Variants in SPATA9 observed in about 807,000 individuals in gnomAD.
The protein encoded by SPATA9 is spermatogenesis-associated protein 9.
Under a neutral mutation model 25.5 loss-of-function variants are expected in SPATA9, and 27 were observed. The ratio of observed to expected loss-of-function variants is 1.06; its 90% CI spans 0.78 to 1.46. SPATA9 has a LOEUF of 1.46. SPATA9 is among the 40% of genes most tolerant of loss of function. The probability of loss-of-function intolerance (pLI) is 0.00; values close to 1 mark genes in which losing one functional copy is unlikely to be tolerated. For synonymous variants in SPATA9, 102 were observed against 105.7 expected (o/e 0.97, Z 0.21); for missense variants, 282 against 297.5 (o/e 0.95, Z 0.38).
At chr5:95,661,961 T>C (rs1271798491) in intron 4 of SPATA9, among the ~76,000 whole-genome samples, 1 of 151,984 alleles carries the variant, frequency 6.6e-6, no homozygotes, top group East Asian at 1.9e-4. Context: ...TTAAAGAATA[T>C]CAAAATAAGT....
rs553004774 is a variant in SPATA9 at position 95,694,524 on chromosome 5, C to T, written n.124+4064G>A. Among the ~76,000 whole-genome samples, 15 of 152,298 alleles carry T rather than the reference C, an allele frequency of 9.8e-5. No individual in the cohort carries two copies. In the South Asian group the frequency reaches 3.1e-3, roughly 32 times the overall value. On this transcript the variant is annotated intron_variant and non_coding_transcript_variant, in intron 1 of 2. Transcript: ENST00000379990. ...TAAAAATGCTAAAGGATGCATCCCA[C>T]CCTTTCTTTTAAACCCAACATTGCC...
the SPATA9 span, among the ~76,000 whole-genome samples, chr5:95,707,231 A>G: frequency 6.6e-6 from 1 of 152,238 alleles, no homozygotes; most frequent in African/African-American, 2.4e-5. Context: ...ATTAGGAACA[A>G]GGAAATCTTG....
chr5:95,693,470 G>A (rs1482807295), intron 1 of SPATA9, among the ~76,000 whole-genome samples: 3 of 152,010 alleles, frequency 2.0e-5, no homozygotes, highest in Non-Finnish European at 4.4e-5. Flanking sequence ...AAAAAGCAAG[G>A]TACAGAAAAA....
chr5:95,678,700 G>A (rs1016449668), intron 2 of SPATA9, among the ~76,000 whole-genome samples: 1 of 152,092 alleles, frequency 6.6e-6, no homozygotes, highest in Non-Finnish European at 1.5e-5. Context: ...TCCTTTCACT[G>A]TTTGGGAAGT....
the SPATA9 span, chr5:95,708,595 C>T: frequency 3.4e-5 from 24 of 696,306 alleles, no homozygotes; most frequent in African/African-American, 3.7e-4. Flanking sequence ...ATTCCCAGGA[C>T]AGAGGTAAAA....
chr5:95,731,983 T>C, the SPATA9 span: 2 of 1,614,156 alleles, frequency 1.2e-6, no homozygotes, highest in East Asian at 2.2e-5. Flanking sequence ...GAGCAGCTTG[T>C]TGCTGAACGC....
the SPATA9 span, chr5:95,731,238 G>C: frequency 9.9e-7 from 1 of 1,005,838 alleles, no homozygotes; most frequent in Non-Finnish European, 1.2e-6. Context: ...CGACCCCCGG[G>C]GCTGGCACGT....
intron 3 of SPATA9, among the ~76,000 whole-genome samples, chr5:95,669,240 G>A (rs969882861): frequency 7.9e-5 from 12 of 152,168 alleles, no homozygotes; most frequent in African/African-American, 2.9e-4. Flanking sequence ...ACGTGGAGGA[G>A]TACTGTATGT....
chr5:95,652,202 T>G, downstream of SPATA9: 1 of 1,487,924 alleles, frequency 6.7e-7, no homozygotes, highest in Non-Finnish European at 9.0e-7. Context: ...TGAATTTCAT[T>G]TGATTAGCAA....
intron 1 of SPATA9, among the ~76,000 whole-genome samples, chr5:95,688,187 A>G (rs1753795765): frequency 6.6e-6 from 1 of 152,216 alleles, no homozygotes; most frequent in Admixed American, 6.5e-5. Flanking sequence ...GTAATTGAAT[A>G]AAGAAAATAT....
the SPATA9 span, among the ~76,000 whole-genome samples, chr5:95,725,165 G>A: frequency 6.6e-6 from 1 of 152,148 alleles, no homozygotes; most frequent in Admixed American, 6.5e-5. Flanking sequence ...TATCTACAAT[G>A]GGATGGATAA....
At chr5:95,707,435 C>T in the SPATA9 span, among the ~76,000 whole-genome samples, 34,578 of 151,814 alleles carry the variant, frequency 0.23, 4,195 homozygotes, top group East Asian at 0.5. Context: ...AAAATTCTCT[C>T]GGCCCCGAGG....
chr5:95,690,375 A>G (rs536257897), intron 1 of SPATA9, among the ~76,000 whole-genome samples: 1 of 152,320 alleles, frequency 6.6e-6, no homozygotes, highest in East Asian at 1.9e-4. Flanking sequence ...ACCATTTGTT[A>G]GTACAATGAA....
rs567984750 is a variant in SPATA9 at position 95,678,568 on chromosome 5, G to A, written c.151-2929C>T. Among the ~76,000 whole-genome samples the A allele has an allele frequency of 5.9e-5, 9 of 152,044 alleles. No individual in the cohort carries two copies. In the South Asian group the frequency reaches 8.3e-4, roughly 14 times the overall value. ...TCTAGGCCAGCAAGATGGCCTTTTCGTAAATAAATACATGCCTGGGTGGCG... is the reference window on the plus strand; with the variant it reads ...TCTAGGCCAGCAAGATGGCCTTTTCATAAATAAATACATGCCTGGGTGGCG... On this transcript the variant is annotated intron_variant, in intron 2 of 4. Transcript: ENST00000274432.
At chr5:95,673,345 G>T (rs965187896) in intron 3 of SPATA9, among the ~76,000 whole-genome samples, 1 of 151,502 alleles carries the variant, frequency 6.6e-6, no homozygotes, top group Non-Finnish European at 1.5e-5. Flanking sequence ...TAAACCATGT[G>T]TTCGTGACCC....
At chr5:95,669,002 T>C (rs1270660418) in intron 3 of SPATA9, among the ~76,000 whole-genome samples, 2 of 152,160 alleles carry the variant, frequency 1.3e-5, no homozygotes, top group Admixed American at 6.5e-5. Context: ...CTGCTACTTA[T>C]AGAGAGGTCC....
chr5:95,731,470 C>T, the SPATA9 span: 3 of 1,221,564 alleles, frequency 2.5e-6, no homozygotes, highest in African/African-American at 1.6e-5. Flanking sequence ...GGCAGCTTAT[C>T]CCCCGCCCGC....
In SPATA9 at chr5:95,673,376, T is replaced by TTG. The variant is rs10557096; in HGVS notation, c.378+2034_378+2035dup. Among the ~76,000 whole-genome samples, 1,461 of 150,444 alleles carry TTG rather than the reference T, an allele frequency of 9.7e-3. 20 individuals carry two copies. Among genetic ancestry groups the TTG allele is most frequent in the African/African-American group, 0.03 (1,247 of 41,070 alleles). ...GACCCAAGGCTCGTTGTGTGTGTGT[T>TTG]TGTGTGTGTGTGTGTGTGTGCATGT... On this transcript the variant is annotated intron_variant, in intron 3 of 4. Coordinates refer to ENST00000274432, the MANE Select transcript of SPATA9 (RefSeq NM_031952.4).
the SPATA9 span, chr5:95,708,833 G>A: frequency 1.3e-5 from 7 of 551,956 alleles, no homozygotes; most frequent in African/African-American, 1.9e-5. Flanking sequence ...ACGAATACAC[G>A]TCCTGTTGTG....
Sources: gnomAD v4.1 joint callset for allele counts (sites outside exome capture counted in the v4.1 genomes callset) on GRCh38, gnomAD v4.1.1 for gene constraint, MANE v1.5 for transcripts, NCBI Gene and HGNC (gene_info 2026-07-23, HGNC 2026-07-21) for gene names.